DHRSX: variants seen among roughly 807,000 people sequenced by gnomAD.
DHRSX encodes the protein polyprenol dehydrogenase.
DHRSX carries 31 observed loss-of-function variants against 34.0 expected under a neutral mutation model. That is an observed-to-expected ratio of 0.91 (90% confidence interval 0.69 to 1.23). The LOEUF is 1.23. Among genes scored for constraint, DHRSX ranks in the 50% most tolerant of loss-of-function variants. The probability of loss-of-function intolerance (pLI) is 0.00; values close to 1 mark genes in which losing one functional copy is unlikely to be tolerated. For missense variants in DHRSX, 414 were observed against 428.1 expected, an observed-to-expected ratio of 0.97 and a Z score of 0.29; for synonymous variants, 201 against 183.8, an observed-to-expected ratio of 1.09 and a Z score of -0.76.
At position 2,317,256 on chromosome X, in the gene DHRSX, CTT is replaced by C. The variant is rs779722860; in HGVS notation, c.287-25655_287-25654del. ...TACAGGCGTGAGCCACCGCGCCTGG[CTT>C]TTTTTTTTTTTGAGACAGAGTCTTG... On this transcript the variant is annotated intron_variant, in intron 3 of 6. Transcript: ENST00000334651. Among the ~76,000 whole-genome samples the C allele has an allele frequency of 1.6e-4, 14 of 87,432 alleles. 1 individual carries two copies. The highest frequency in any genetic ancestry group is 6.1e-4 in the African/African-American group (11 of 18,150). The allele number at this position is 87,432 out of a possible 152,430, so 57.4% of individuals were successfully genotyped here.
At chrX:2,458,069 G>A (rs1388893888) in intron 1 of DHRSX, among the ~76,000 whole-genome samples, 2 of 152,016 alleles carry the variant, frequency 1.3e-5, no homozygotes, top group East Asian at 3.9e-4. Flanking sequence ...CGAAGAATTA[G>A]GACTAGGGAC....
chrX:2,229,064 G>A (rs913738332), intron 6 of DHRSX, among the ~76,000 whole-genome samples: 1 of 152,178 alleles, frequency 6.6e-6, no homozygotes, highest in Non-Finnish European at 1.5e-5. Flanking sequence ...GCAGAGGCTC[G>A]TTCGCCTTCT....
rs773000785 is a variant in DHRSX at position 2,450,247 on chromosome X, T to C, written c.110-24943A>G. Among the ~76,000 whole-genome samples, 3 of 152,318 alleles carry C rather than the reference T, an allele frequency of 2.0e-5. No individual in the cohort carries two copies. In the South Asian group the frequency reaches 6.2e-4, roughly 32 times the overall value. On this transcript the variant is annotated intron_variant, in intron 1 of 6. Coordinates refer to ENST00000334651, the MANE Select transcript of DHRSX (RefSeq NM_145177.3). The stretch of plus-strand genomic sequence containing the variant: ...CACTTGTCAAGAACAGTGTTTATGT[T>C]TATAAATGTTTTTTCTGAATTTCTC...
chrX:2,275,074 T>C (rs1024615677), intron 4 of DHRSX, among the ~76,000 whole-genome samples: 4 of 152,168 alleles, frequency 2.6e-5, no homozygotes, highest in African/African-American at 4.8e-5. Flanking sequence ...CGACGGCAAA[T>C]TCAAATGCCT....
intron 1 of DHRSX, among the ~76,000 whole-genome samples, chrX:2,477,818 C>A (rs2044703621): frequency 6.6e-6 from 1 of 151,426 alleles, no homozygotes; most frequent in South Asian, 2.1e-4. Flanking sequence ...GCACTCCAGC[C>A]TGGGTGACAG....
chrX:2,349,070 G>A (rs2042754566), intron 3 of DHRSX, among the ~76,000 whole-genome samples: 1 of 151,942 alleles, frequency 6.6e-6, no homozygotes, highest in Non-Finnish European at 1.5e-5. Context: ...TGCAGAAATG[G>A]GTGAATACAG....
intron 4 of DHRSX, among the ~76,000 whole-genome samples, chrX:2,284,528 C>T (rs1366088218): frequency 1.3e-5 from 2 of 152,132 alleles, no homozygotes; most frequent in African/African-American, 2.4e-5. Context: ...GTATCGTGGA[C>T]GTATTTCTTT....
intron 1 of DHRSX, among the ~76,000 whole-genome samples, chrX:2,466,652 G>A (rs765508070): frequency 6.6e-6 from 1 of 152,222 alleles, no homozygotes; most frequent in Non-Finnish European, 1.5e-5. Context: ...TGGGAGAAAT[G>A]AGAGGATCGA....
chrX:2,333,144 G>A (rs2042502293), intron 3 of DHRSX, among the ~76,000 whole-genome samples: 2 of 151,966 alleles, frequency 1.3e-5, no homozygotes, highest in East Asian at 1.9e-4. Flanking sequence ...CATTCACGAT[G>A]GGTAAAAAAA....
chrX:2,251,270 C>T (rs991930783), intron 5 of DHRSX, among the ~76,000 whole-genome samples: 3 of 152,176 alleles, frequency 2.0e-5, no homozygotes, highest in African/African-American at 7.2e-5. Context: ...GCTAACATTC[C>T]TAAATATCTG....
intron 3 of DHRSX, among the ~76,000 whole-genome samples, chrX:2,377,948 C>T (rs933019366): frequency 6.6e-6 from 1 of 152,160 alleles, no homozygotes; most frequent in Non-Finnish European, 1.5e-5. Flanking sequence ...CCATGTTGGC[C>T]AGGATGGCCT....
intron 3 of DHRSX, among the ~76,000 whole-genome samples, chrX:2,344,234 C>G (rs776612339): frequency 6.6e-6 from 1 of 152,278 alleles, no homozygotes; most frequent in South Asian, 2.1e-4. Flanking sequence ...ATTACATTTT[C>G]TCTGAATTTT....
intron 3 of DHRSX, among the ~76,000 whole-genome samples, chrX:2,386,205 TGA>T (rs1040134264): frequency 6.0e-5 from 9 of 150,704 alleles, no homozygotes; most frequent in African/African-American, 1.5e-4. Flanking sequence ...ATTTTGTGTG[TGA>T]GAGAGAGAGA....
intron 5 of DHRSX, among the ~76,000 whole-genome samples, chrX:2,254,059 C>CAAAA (rs373951884): frequency 1.3e-5 from 2 of 149,004 alleles, no homozygotes; most frequent in African/African-American, 4.9e-5. Flanking sequence ...GACTCTGTCT[C>CAAAA]AAAAAAAAAC....
At chrX:2,449,692 C>T (rs1203627562) in intron 1 of DHRSX, among the ~76,000 whole-genome samples, 1 of 152,172 alleles carries the variant, frequency 6.6e-6, no homozygotes, top group African/African-American at 2.4e-5. Context: ...AGACACAGCA[C>T]CTCTCGCTTG....
chrX:2,229,936 T>C (rs35661120), intron 6 of DHRSX, among the ~76,000 whole-genome samples: 122,842 of 152,222 alleles, frequency 0.81, 49,909 homozygotes, highest in East Asian at 0.95. Flanking sequence ...TGAATGCACA[T>C]GTGAATATGT....
At chrX:2,453,904 G>C (rs1435719224) in intron 1 of DHRSX, among the ~76,000 whole-genome samples, 1 of 151,982 alleles carries the variant, frequency 6.6e-6, no homozygotes, top group African/African-American at 2.4e-5. Context: ...AATTAGCTTG[G>C]TTAATACGTT....
At chrX:2,308,740 T>C (rs1187505429) in intron 3 of DHRSX, among the ~76,000 whole-genome samples, 1 of 148,416 alleles carries the variant, frequency 6.7e-6, no homozygotes, top group Admixed American at 6.8e-5. Context: ...AAAATCAACA[T>C]TGTGGGGGAA....
intron 4 of DHRSX, among the ~76,000 whole-genome samples, chrX:2,286,312 G>C (rs190759921): frequency 6.6e-5 from 10 of 150,974 alleles, no homozygotes; most frequent in African/African-American, 2.4e-4. Context: ...GAATTCTGAT[G>C]CACAAACCAA....
Sources: allele counts gnomAD v4.1 joint callset (sites outside exome capture counted in the v4.1 genomes callset), GRCh38; gene constraint gnomAD v4.1.1; transcripts MANE v1.5; gene names NCBI Gene and HGNC (gene_info 2026-07-23, HGNC 2026-07-21).